Variants in USP50 observed in about 807,000 individuals in gnomAD.
USP50 encodes the protein ubiquitin specific peptidase 50.
A neutral mutation model predicts 39.2 loss-of-function variants in USP50; 37 were observed. That is an observed-to-expected ratio of 0.94 (90% CI 0.73 to 1.24). The LOEUF (loss-of-function observed/expected upper bound fraction) is 1.24, where lower values mean the gene tolerates loss of function less well. Among genes scored for constraint, USP50 ranks in the 50% most tolerant of loss-of-function variants. USP50 has a pLI of 0.00. For synonymous variants in USP50, 139 were observed against 144.5 expected, an observed-to-expected ratio of 0.96 and a Z score of 0.27; for missense variants, 374 against 398.2, an observed-to-expected ratio of 0.94 and a Z score of 0.52.
chr15:50,501,186 A>C, intron 6 of USP50: 1 of 225,614 alleles, frequency 4.4e-6, no homozygotes, highest in Non-Finnish European at 9.1e-6. Flanking sequence ...CAGGCCGGGC[A>C]CAGTGGCTCA....
intron 4 of USP50, 124 bp downstream of exon 4, chr15:50,540,925 A>ATT (rs112406642): frequency 1.4e-6 from 1 of 730,210 alleles, no homozygotes; most frequent in African/African-American, 1.8e-5. Context: ...CACTCAGTCT[A>ATT]TTTTTTTTTA....
intron 6 of USP50, chr15:50,501,961 G>A (rs2141338988): frequency 6.6e-6 from 1 of 152,286 alleles, no homozygotes; most frequent in Non-Finnish European, 1.5e-5. Flanking sequence ...ACACTTTTCA[G>A]TGGCTGCTTT....
At chr15:50,499,951 G>C (rs2052550913), downstream of USP50, 1 of 152,096 alleles carries the variant, frequency 6.6e-6, no homozygotes, top group Non-Finnish European at 1.5e-5. Context: ...AAAATGCCGG[G>C]AGTCAGGCAT....
chr15:50,523,175 C>CTTTTTTTTT lies in USP50; in HGVS notation c.936+6613_936+6621dup, dbSNP rs57450027. On this transcript the variant is annotated intron_variant, in intron 6 of 6. Coordinates refer to ENST00000532404, the MANE Select transcript of USP50 (RefSeq NM_203494.5). ...AAAATCAACATATAAAAATCAGTAG[C>CTTTTTTTTT]TTTTTTTTTTTTTTTTTTGGTGAGA... Among the ~76,000 whole-genome samples, 791 of 104,146 alleles carry CTTTTTTTTT rather than the reference C, an allele frequency of 7.6e-3. 62 individuals are homozygous for CTTTTTTTTT. Among genetic ancestry groups the CTTTTTTTTT allele is most frequent in the African/African-American group, 0.028 (757 of 26,920 alleles). 68.3% of individuals were successfully genotyped at this position (104,146 alleles called of 152,430 possible).
chr15:50,533,278 A>G (rs2052956307), intron 5 of USP50, among the ~76,000 whole-genome samples: 1 of 152,080 alleles, frequency 6.6e-6, no homozygotes, highest in Non-Finnish European at 1.5e-5. Context: ...CCAAAAGAAA[A>G]AGAACAGAAA....
intron 6 of USP50, among the ~76,000 whole-genome samples, chr15:50,525,664 G>GTATATGTGTATATGTATATGTA (rs2052889403): frequency 1.8e-4 from 8 of 44,900 alleles, no homozygotes; most frequent in Admixed American, 8.5e-4. Flanking sequence ...ATGTATATAT[G>GTATATGTGTATATGTATATGTA]TATATGTATA....
chr15:50,539,369 A>T (rs1391542600), intron 4 of USP50, among the ~76,000 whole-genome samples: 2 of 147,068 alleles, frequency 1.4e-5, no homozygotes, highest in African/African-American at 5.0e-5. Context: ...CCCAGCCTAT[A>T]CATCAGCATT....
chr15:50,538,061 G>C (rs1488106822), intron 5 of USP50, among the ~76,000 whole-genome samples: 1 of 151,436 alleles, frequency 6.6e-6, no homozygotes, highest in Non-Finnish European at 1.5e-5. Flanking sequence ...TGGATCATGA[G>C]GTCAAGAGAT....
chr15:50,515,093 A>G (rs1276481874), intron 6 of USP50, among the ~76,000 whole-genome samples: 4 of 151,774 alleles, frequency 2.6e-5, no homozygotes, highest in Non-Finnish European at 4.4e-5. Context: ...CAGTATTTTA[A>G]AATCTACCCA....
chr15:50,541,202 C>T lies in USP50; in HGVS notation c.507G>A (p.Trp169Ter), dbSNP rs1433854177. 5.0e-6 allele frequency: 8 copies of T among 1,613,822 alleles called. No homozygotes were observed. The South Asian group carries it at 8.8e-5, about 18-fold the overall frequency. The change falls in exon 4 of 7, where the codon TGG becomes TGA. Residue 169 changes from tryptophan to a stop codon, truncating the protein, a stop_gained. Transcript: ENST00000532404. LOFTEE classifies it high-confidence loss of function. ...TGATGATGGATGTCTCAGTGGTAAT[C>T]CACTTCCTGCAGCATCTCTGAGTAG... ...KGSTQRCCRK[W>*]ITTETSIITQ... is the part of the protein sequence containing the mutation.
downstream of USP50, chr15:50,493,321 A>G: frequency 1.9e-6 from 1 of 520,276 alleles, no homozygotes; most frequent in Non-Finnish European, 3.8e-6. Context: ...ATGAATAAGT[A>G]AGCATTTTGG....
intron 5 of USP50, among the ~76,000 whole-genome samples, chr15:50,533,131 G>A (rs2052954239): frequency 7.0e-6 from 1 of 143,844 alleles, no homozygotes. Context: ...CAAAGTAAAA[G>A]CCCCTCCCCC....
chr15:50,526,660 A>G (rs527573711), intron 6 of USP50, among the ~76,000 whole-genome samples: 35 of 152,230 alleles, frequency 2.3e-4, no homozygotes, highest in Non-Finnish European at 3.8e-4. Context: ...AAATGGGAAG[A>G]CACTACAAGG....
At chr15:50,527,460 G>T (rs2052907576) in intron 6 of USP50, among the ~76,000 whole-genome samples, 1 of 151,886 alleles carries the variant, frequency 6.6e-6, no homozygotes, top group Admixed American at 6.6e-5. Context: ...GCCCACCTCA[G>T]CCTCCCAAAG....
At chr15:50,528,007 G>A (rs3098198) in intron 6 of USP50, among the ~76,000 whole-genome samples, 83,888 of 150,800 alleles carry the variant, frequency 0.56, 23,410 homozygotes, top group Admixed American at 0.62. Flanking sequence ...GTTCTCTTTC[G>A]AAACCAACTT....
intron 4 of USP50, among the ~76,000 whole-genome samples, 187 bp from the exon 5 acceptor site, chr15:50,539,038 GTTTC>G (rs2053007039): frequency 6.6e-6 from 1 of 151,752 alleles, no homozygotes; most frequent in African/African-American, 2.4e-5. Flanking sequence ...CCTAGAAGGT[GTTTC>G]TTTCTTGTTA....
At chr15:50,514,195 G>C (rs1366488427) in intron 6 of USP50, 2 of 152,148 alleles carry the variant, frequency 1.3e-5, no homozygotes, top group African/African-American at 4.8e-5. Context: ...TTTATACGAA[G>C]CATAAAATCA....
chr15:50,530,262 G>C (rs1324352534), intron 5 of USP50, among the ~76,000 whole-genome samples: 1 of 151,948 alleles, frequency 6.6e-6, no homozygotes, highest in Non-Finnish European at 1.5e-5. Flanking sequence ...CAGCCTGGGT[G>C]ACAGAGTGAG....
At chr15:50,506,957 C>CAAAAAAAAA (rs58329541) in intron 6 of USP50, 31 of 46,222 alleles carry the variant, frequency 6.7e-4, no homozygotes, top group African/African-American at 2.7e-3. Context: ...GACTTCATCT[C>CAAAAAAAAA]AAAAAAAAAA....
Sources: allele counts gnomAD v4.1 joint callset (sites outside exome capture counted in the v4.1 genomes callset), GRCh38; gene constraint gnomAD v4.1.1; transcripts MANE v1.5; gene names NCBI Gene and HGNC (gene_info 2026-07-23, HGNC 2026-07-21).